The following RAPGEF5 variants were observed in gnomAD, a reference collection of about 807,000 sequenced individuals.
The protein encoded by RAPGEF5 is Rap guanine nucleotide exchange factor 5.
RAPGEF5 carries 65 observed loss-of-function variants against 125.2 expected under a neutral mutation model. That is an observed-to-expected ratio of 0.52 (90% confidence interval 0.43 to 0.64). The LOEUF (loss-of-function observed/expected upper bound fraction) is 0.64, where lower values mean the gene tolerates loss of function less well. RAPGEF5 is among the 30% of genes least tolerant of loss of function. The pLI, the probability that RAPGEF5 is intolerant of heterozygous loss-of-function variation, is 0.00. For missense variants in RAPGEF5, 958 were observed against 1,048.1 expected (o/e 0.91, Z 1.19); for synonymous variants, 391 against 385.9 (o/e 1.01, Z -0.16).
chr7:22,299,017 A>G (rs1185620482), intron 5 of RAPGEF5, among the ~76,000 whole-genome samples: 1 of 107,534 alleles, frequency 9.3e-6, no homozygotes, highest in East Asian at 2.5e-4. Flanking sequence ...GAGATTTCGT[A>G]CCTTTTTTTT....
At chr7:22,329,552 A>T (rs573110481) in intron 1 of RAPGEF5, among the ~76,000 whole-genome samples, 31 of 152,354 alleles carry the variant, frequency 2.0e-4, no homozygotes, top group African/African-American at 7.2e-4. Context: ...ACACATGGAA[A>T]TATTTTGATG....
chr7:22,125,636 C>T lies in RAPGEF5; in HGVS notation c.2504G>A (p.Arg835Gln), dbSNP rs1390706414. ...EKLHMIADTV[R>Q]TLRHCRTNQF... ...GTTAGTCCTGCAGTGTCTCAGGGTT[C>T]GGACAGTGTCTGCGATCATATGCTG... Residue 835 changes from arginine (R) to glutamine (Q), a missense_variant, in exon 25 of 26, where the codon CGA (arginine) becomes CAA (glutamine). Arg to Gln is a conservative substitution (Grantham distance 43). Coordinates refer to ENST00000665637, the MANE Select transcript of RAPGEF5 (RefSeq NM_012294.5). 2 of 1,611,956 alleles carry T rather than the reference C, an allele frequency of 1.2e-6. No homozygotes were observed. Among genetic ancestry groups the T allele is most frequent in the Non-Finnish European group, 1.7e-6 (2 of 1,178,300 alleles).
intron 2 of RAPGEF5, among the ~76,000 whole-genome samples, chr7:22,317,242 CTT>C (rs67830846): frequency 3.0e-4 from 40 of 134,098 alleles, no homozygotes; most frequent in South Asian, 4.8e-4. Context: ...CTTTTTTTTT[CTT>C]TTTTTTTTTT....
chr7:22,188,265 G>T (rs527390950), intron 11 of RAPGEF5, among the ~76,000 whole-genome samples: 102 of 152,308 alleles, frequency 6.7e-4, no homozygotes, highest in African/African-American at 2.4e-3. Context: ...AAAAGGCAAG[G>T]TAAGCAAGGA....
intron 7 of RAPGEF5, among the ~76,000 whole-genome samples, chr7:22,261,053 T>C (rs558671292): frequency 6.6e-6 from 1 of 152,290 alleles, no homozygotes; most frequent in African/African-American, 2.4e-5. Context: ...GATTTCCACA[T>C]CACACCATAT....
intron 13 of RAPGEF5, among the ~76,000 whole-genome samples, chr7:22,162,056 T>C (rs1025721904): frequency 6.6e-6 from 1 of 152,240 alleles, no homozygotes; most frequent in African/African-American, 2.4e-5. Context: ...ATTGTCAATA[T>C]AGTTTTTAAA....
At chr7:22,146,256 T>C (rs1032616843) in intron 19 of RAPGEF5, among the ~76,000 whole-genome samples, 2 of 152,200 alleles carry the variant, frequency 1.3e-5, no homozygotes, top group African/African-American at 2.4e-5. Flanking sequence ...ATGCAACATA[T>C]GGTTACAGAG....
intron 20 of RAPGEF5, among the ~76,000 whole-genome samples, chr7:22,141,668 G>C (rs1783266093): frequency 6.6e-6 from 1 of 152,176 alleles, no homozygotes; most frequent in African/African-American, 2.4e-5. Context: ...AAGGTATCTG[G>C]GGTGGACACA....
intron 1 of RAPGEF5, among the ~76,000 whole-genome samples, chr7:22,329,534 G>C (rs901910479): frequency 6.6e-6 from 1 of 152,102 alleles, no homozygotes; most frequent in Non-Finnish European, 1.5e-5. Flanking sequence ...ATGTTTTAAA[G>C]AGTCTTAACA....
At chr7:22,219,731 G>A in intron 9 of RAPGEF5, 135 bp downstream of exon 9, 1 of 1,204,020 alleles carries the variant, frequency 8.3e-7, no homozygotes, top group East Asian at 2.6e-5. Flanking sequence ...TTACTAAGGA[G>A]GATGCTCTTG....
intron 7 of RAPGEF5, among the ~76,000 whole-genome samples, chr7:22,260,532 TA>T (rs71550468): frequency 1.9e-3 from 230 of 124,096 alleles, no homozygotes; most frequent in Middle Eastern, 8.4e-3. Flanking sequence ...TTAGGACCAG[TA>T]AAAAAAAAAA....
intron 18 of RAPGEF5, among the ~76,000 whole-genome samples, chr7:22,149,891 A>G (rs918836252): frequency 2.0e-5 from 3 of 152,252 alleles, no homozygotes; most frequent in Middle Eastern, 3.4e-3. Flanking sequence ...GGTTTCACTT[A>G]GGCAGGGTTT....
chr7:22,341,766 T>C (rs1418963885), intron 1 of RAPGEF5, among the ~76,000 whole-genome samples: 1 of 152,224 alleles, frequency 6.6e-6, no homozygotes, highest in African/African-American at 2.4e-5. Flanking sequence ...CAGGTCATGC[T>C]GATGCAAGAC....
chr7:22,318,157 AGCT>A, intron 1 of RAPGEF5, 120 bp from the exon 2 acceptor site: 2 of 951,072 alleles, frequency 2.1e-6, no homozygotes, highest in Non-Finnish European at 3.0e-6. Flanking sequence ...AAAAAAAATG[AGCT>A]TAAATCTCAA....
At chr7:22,337,291 G>A (rs1784045188) in intron 1 of RAPGEF5, among the ~76,000 whole-genome samples, 2 of 152,154 alleles carry the variant, frequency 1.3e-5, no homozygotes, top group South Asian at 4.1e-4. Context: ...TCTGGCTGGG[G>A]ATAACAGGAC....
intron 8 of RAPGEF5, among the ~76,000 whole-genome samples, chr7:22,224,682 C>G (rs1785874149): frequency 6.6e-6 from 1 of 152,094 alleles, no homozygotes; most frequent in Admixed American, 6.6e-5. Flanking sequence ...TATGAGAGTA[C>G]TGGATAGCTA....
chr7:22,210,255 T>C (rs1562763048), intron 9 of RAPGEF5, among the ~76,000 whole-genome samples: 2 of 152,218 alleles, frequency 1.3e-5, no homozygotes. Flanking sequence ...CATCCAGCAA[T>C]CATAAAACTC....
At chr7:22,317,945 T>C in intron 2 of RAPGEF5, 42 bp downstream of exon 2, 3 of 1,544,846 alleles carry the variant, frequency 1.9e-6, no homozygotes, top group Non-Finnish European at 2.6e-6. Flanking sequence ...AATTTGTCAA[T>C]CACTATTTCA....
chr7:22,140,980 C>T (rs1015163054), intron 20 of RAPGEF5, among the ~76,000 whole-genome samples: 1 of 152,172 alleles, frequency 6.6e-6, no homozygotes, highest in African/African-American at 2.4e-5. Context: ...TAGCAGTAAG[C>T]AGAGCGTGTA....
Sources: gnomAD v4.1 joint callset for allele counts (sites outside exome capture counted in the v4.1 genomes callset) on GRCh38, gnomAD v4.1.1 for gene constraint, MANE v1.5 for transcripts, NCBI Gene and HGNC (gene_info 2026-07-23, HGNC 2026-07-21) for gene names.